The following ZMAT4 variants were observed in gnomAD, a reference collection of about 807,000 sequenced individuals.
The protein encoded by ZMAT4 is zinc finger matrin-type protein 4.
In ZMAT4, 17 loss-of-function variants were observed where a neutral mutation model predicts 28.7. The observed-to-expected ratio is 0.59, with a 90% CI of 0.41 to 0.89. ZMAT4 has a LOEUF of 0.89. ZMAT4 is among the 40% of genes least tolerant of loss of function. ZMAT4 has a pLI of 0.00. For synonymous variants in ZMAT4, 117 were observed against 109.2 expected (o/e 1.07, Z -0.44); for missense variants, 240 against 283.8 (o/e 0.85, Z 1.11).
intron 5 of ZMAT4, among the ~76,000 whole-genome samples, chr8:40,598,007 A>G (rs926945010): frequency 6.6e-6 from 1 of 152,120 alleles, no homozygotes; most frequent in Admixed American, 6.6e-5. Flanking sequence ...GCCTTTTCCA[A>G]AAGGGGATGT....
intron 5 of ZMAT4, among the ~76,000 whole-genome samples, chr8:40,602,342 T>C (rs1368691891): frequency 2.0e-5 from 3 of 151,874 alleles, no homozygotes; most frequent in African/African-American, 7.2e-5. Context: ...GCAAGAATCT[T>C]TTTCGTATAA....
intron 5 of ZMAT4, among the ~76,000 whole-genome samples, chr8:40,604,415 G>A (rs1585746014): frequency 6.6e-6 from 1 of 152,034 alleles, no homozygotes; most frequent in Admixed American, 6.5e-5. Flanking sequence ...TTTTGCTGAG[G>A]GTTTTGATCA....
chr8:40,860,470 G>T (rs1235833314), intron 1 of ZMAT4, among the ~76,000 whole-genome samples: 1 of 152,142 alleles, frequency 6.6e-6, no homozygotes, highest in African/African-American at 2.4e-5. Context: ...TTTTCACCAT[G>T]ATATTGTTAC....
At chr8:40,714,056 C>T (rs944202629) in intron 3 of ZMAT4, among the ~76,000 whole-genome samples, 14 of 151,408 alleles carry the variant, frequency 9.2e-5, no homozygotes, top group African/African-American at 3.2e-4. Context: ...AATGAGTTAC[C>T]ATTTTTTACT....
chr8:40,558,990 G>T (rs758076749), intron 6 of ZMAT4, among the ~76,000 whole-genome samples: 1 of 152,198 alleles, frequency 6.6e-6, no homozygotes, highest in East Asian at 1.9e-4. Flanking sequence ...GTTAAGCCTC[G>T]CACCCCTGCA....
intron 1 of ZMAT4, among the ~76,000 whole-genome samples, chr8:40,843,656 G>C (rs1816779624): frequency 6.6e-6 from 1 of 152,190 alleles, no homozygotes; most frequent in Non-Finnish European, 1.5e-5. Flanking sequence ...TTACTCCACA[G>C]AAGTGCAATA....
chr8:40,748,331 T>C (rs67772489), intron 3 of ZMAT4, among the ~76,000 whole-genome samples: 61,005 of 152,078 alleles, frequency 0.4, 12,802 homozygotes, highest in Middle Eastern at 0.5. Flanking sequence ...TTCAGTCACA[T>C]ATGCTGCTGT....
At chr8:40,585,575 A>G (rs1804640857) in intron 5 of ZMAT4, among the ~76,000 whole-genome samples, 1 of 152,164 alleles carries the variant, frequency 6.6e-6, no homozygotes, top group African/African-American at 2.4e-5. Context: ...TCAGAACAAT[A>G]CTGGACCTTT....
intron 5 of ZMAT4, among the ~76,000 whole-genome samples, chr8:40,611,489 C>T (rs1029793174): frequency 3.3e-5 from 5 of 152,054 alleles, no homozygotes; most frequent in African/African-American, 7.2e-5. Flanking sequence ...TATAGGCGCA[C>T]GCCACCACGC....
chr8:40,747,272 A>G (rs1035655292), intron 3 of ZMAT4, among the ~76,000 whole-genome samples: 1 of 152,218 alleles, frequency 6.6e-6, no homozygotes, highest in Non-Finnish European at 1.5e-5. Flanking sequence ...GAAAGGAACA[A>G]TTGATCATTT....
At chr8:40,626,012 A>G (rs977954569) in intron 5 of ZMAT4, among the ~76,000 whole-genome samples, 2 of 151,338 alleles carry the variant, frequency 1.3e-5, no homozygotes, top group Middle Eastern at 6.8e-3. Context: ...CGGGAGGCTG[A>G]GGCAGGAGAA....
intron 6 of ZMAT4, among the ~76,000 whole-genome samples, chr8:40,574,409 A>C: frequency 6.6e-6 from 1 of 152,222 alleles, no homozygotes; most frequent in East Asian, 1.9e-4. Flanking sequence ...AAATATACAG[A>C]AAAAGGGATA....
intron 5 of ZMAT4, among the ~76,000 whole-genome samples, chr8:40,647,342 C>T (rs1281751414): frequency 6.6e-6 from 1 of 151,484 alleles, no homozygotes; most frequent in African/African-American, 2.5e-5. Flanking sequence ...CGGGTCACTC[C>T]CACCCGAATA....
intron 5 of ZMAT4, among the ~76,000 whole-genome samples, chr8:40,584,268 T>C (rs1333325266): frequency 6.6e-6 from 1 of 152,104 alleles, no homozygotes; most frequent in Non-Finnish European, 1.5e-5. Flanking sequence ...CCTGTGTCCC[T>C]CAGCCCTGGA....
chr8:40,746,886 T>C (rs916802131), intron 3 of ZMAT4, among the ~76,000 whole-genome samples: 1 of 152,202 alleles, frequency 6.6e-6, no homozygotes, highest in African/African-American at 2.4e-5. Flanking sequence ...ATGCTCTTCC[T>C]TAACCTTCTT....
intron 1 of ZMAT4, among the ~76,000 whole-genome samples, chr8:40,865,946 T>C (rs894724387): frequency 6.6e-6 from 1 of 152,368 alleles, no homozygotes; most frequent in African/African-American, 2.4e-5. Context: ...TGCAAGCGAC[T>C]GGATTCGACA....
intron 1 of ZMAT4, among the ~76,000 whole-genome samples, chr8:40,833,383 C>T (rs573365502): frequency 4.6e-5 from 7 of 152,108 alleles, no homozygotes; most frequent in South Asian, 2.1e-4. Context: ...GCCTGATCAA[C>T]ATGGTGAAAC....
At chr8:40,638,704 T>C (rs1017448933) in intron 5 of ZMAT4, among the ~76,000 whole-genome samples, 1 of 152,200 alleles carries the variant, frequency 6.6e-6, no homozygotes, top group Non-Finnish European at 1.5e-5. Flanking sequence ...TGCCTGCATG[T>C]GAAGGCCTCA....
intron 4 of ZMAT4, among the ~76,000 whole-genome samples, chr8:40,692,021 A>G (rs1809686562): frequency 6.6e-6 from 1 of 152,266 alleles, no homozygotes; most frequent in East Asian, 1.9e-4. Context: ...TAAAATTTAA[A>G]TAACCAAGGT....
Sources: gnomAD v4.1 joint callset for allele counts (sites outside exome capture counted in the v4.1 genomes callset) on GRCh38, gnomAD v4.1.1 for gene constraint, MANE v1.5 for transcripts, NCBI Gene and HGNC (gene_info 2026-07-23, HGNC 2026-07-21) for gene names.